The following MAD1L1 variants were observed in gnomAD, a reference collection of about 807,000 sequenced individuals.
MAD1L1 encodes the protein mitotic arrest deficient 1 like 1, also known as mitotic spindle assembly checkpoint protein MAD1.
MAD1L1 carries 95 observed loss-of-function variants against 96.9 expected under a neutral mutation model. The ratio of observed to expected loss-of-function variants is 0.98; its 90% CI spans 0.83 to 1.16. The LOEUF (loss-of-function observed/expected upper bound fraction) is 1.16, where lower values mean the gene tolerates loss of function less well. Ranked by LOEUF, MAD1L1 falls within the 50% of genes most tolerant of loss-of-function variation. The probability of loss-of-function intolerance (pLI) is 0.00; values close to 1 mark genes in which losing one functional copy is unlikely to be tolerated. For missense variants in MAD1L1, 1,007 were observed against 954.4 expected (o/e 1.06, Z -0.73); for synonymous variants, 473 against 396.6 (o/e 1.19, Z -2.29).
chr7:2,146,561 C>G lies in MAD1L1; in HGVS notation c.1073+2591G>C, dbSNP rs945358392. 2.6e-5 allele frequency among the ~76,000 whole-genome samples: 4 copies of G among 152,200 alleles called. No homozygotes were observed. The highest frequency in any genetic ancestry group is 4.4e-5 in the Non-Finnish European group (3 of 68,038). On this transcript the variant is annotated intron_variant, in intron 11 of 18. Transcript: ENST00000265854. This position sits in a 1 kb window ranked among gnomAD's most constrained non-coding sequence, Gnocchi z 6.2. The stretch of plus-strand genomic sequence containing the variant: ...GGTCACAAGCACGTGCCCGCTGGTC[C>G]GCACAGACGAGGGAAAATGCCCAGC...
intron 18 of MAD1L1, among the ~76,000 whole-genome samples, chr7:1,818,675 G>A (rs756424869): frequency 1.6e-4 from 24 of 152,122 alleles, no homozygotes; most frequent in Admixed American, 1.3e-3. Context: ...CACGACGTGA[G>A]GATTACAGGC....
At chr7:2,074,158 C>CAGAGA (rs1428291742) in intron 11 of MAD1L1, among the ~76,000 whole-genome samples, 1 of 152,172 alleles carries the variant, frequency 6.6e-6, no homozygotes, top group Non-Finnish European at 1.5e-5. Context: ...TTCCAGGCAG[C>CAGAGA]AGAGATGGCA....
At chr7:2,043,644 G>T (rs556804650) in intron 12 of MAD1L1, among the ~76,000 whole-genome samples, 5 of 152,336 alleles carry the variant, frequency 3.3e-5, no homozygotes, top group East Asian at 3.9e-4. Context: ...GAGGGCCTGG[G>T]GGGGCTGGGG....
intron 18 of MAD1L1, among the ~76,000 whole-genome samples, chr7:1,871,045 T>G (rs117125814): frequency 0.41 from 24,912 of 61,186 alleles, 6,258 homozygotes; most frequent in East Asian, 0.49. Context: ...GCCTGCCACG[T>G]TGAACCTACC....
chr7:2,029,863 G>C (rs369877403), intron 12 of MAD1L1, among the ~76,000 whole-genome samples: 1 of 152,168 alleles, frequency 6.6e-6, no homozygotes, highest in Admixed American at 6.5e-5. Flanking sequence ...TGATGTGCGA[G>C]TTATGATTAC....
At chr7:1,910,878 G>A (rs1016886661) in intron 17 of MAD1L1, among the ~76,000 whole-genome samples, 13 of 152,296 alleles carry the variant, frequency 8.5e-5, no homozygotes, top group East Asian at 1.9e-4. Flanking sequence ...TCCCTGTGAC[G>A]CCAGTCAGGC....
chr7:1,843,790 G>A (rs1378580696), intron 18 of MAD1L1, among the ~76,000 whole-genome samples: 2 of 152,180 alleles, frequency 1.3e-5, no homozygotes, highest in African/African-American at 4.8e-5. Context: ...GCCACGTGGA[G>A]GCGAATTCAC....
At chr7:1,845,332 T>C (rs1026531957) in intron 18 of MAD1L1, 5 of 152,400 alleles carry the variant, frequency 3.3e-5, no homozygotes, top group Admixed American at 1.3e-4. Flanking sequence ...CTGACCTTGG[T>C]GTGTTACAGC....
At chr7:1,830,691 G>A (rs540055013) in intron 18 of MAD1L1, among the ~76,000 whole-genome samples, 10 of 152,276 alleles carry the variant, frequency 6.6e-5, no homozygotes, top group East Asian at 1.9e-4. Flanking sequence ...AGGCGGTGTC[G>A]TATCATTCGA....
chr7:1,877,539 C>A (rs1295494397), intron 18 of MAD1L1, among the ~76,000 whole-genome samples: 1 of 151,252 alleles, frequency 6.6e-6, no homozygotes, highest in Non-Finnish European at 1.5e-5. Flanking sequence ...GACAAGATGG[C>A]AGATTTAAAC....
intron 16 of MAD1L1, among the ~76,000 whole-genome samples, chr7:1,949,393 C>T (rs748168069): frequency 6.6e-6 from 1 of 152,212 alleles, no homozygotes; most frequent in Non-Finnish European, 1.5e-5. Context: ...CTGCCACATG[C>T]GCCCGGCTCT....
At chr7:1,849,071 C>CAG (rs1562454277) in intron 18 of MAD1L1, 71 of 150,226 alleles carry the variant, frequency 4.7e-4, no homozygotes, top group African/African-American at 1.6e-3. Flanking sequence ...CACACACACA[C>CAG]ACAAATGCAC....
At chr7:2,126,506 G>A (rs2128564747) in intron 11 of MAD1L1, among the ~76,000 whole-genome samples, 1 of 152,218 alleles carries the variant, frequency 6.6e-6, no homozygotes, top group Non-Finnish European at 1.5e-5. Context: ...GGGGGCAGCG[G>A]GGACACCTGA....
In MAD1L1 at chr7:1,989,005, C is replaced by T. The variant is rs141582599; in HGVS notation, c.1417-8464G>A. ...TCACAGGAGCCCCTTATATCACATA[C>T]CTGAGAAGGGTCTAGTGTCTAGAAC... is the stretch of plus-strand genomic sequence containing the variant. On this transcript the variant is annotated intron_variant, in intron 14 of 18. Coordinates refer to ENST00000265854, the MANE Select transcript of MAD1L1 (RefSeq NM_001013836.2). Among the ~76,000 whole-genome samples, 361 of 152,344 alleles carry T rather than the reference C, an allele frequency of 2.4e-3. 5 individuals are homozygous for T. The highest frequency in any genetic ancestry group is 1.7e-3 in the Non-Finnish European group (117 of 68,034).
intron 10 of MAD1L1, among the ~76,000 whole-genome samples, chr7:2,196,822 C>T (rs1307119930): frequency 1.3e-5 from 2 of 152,188 alleles, no homozygotes; most frequent in African/African-American, 4.8e-5. Context: ...CTCACTACAA[C>T]GCGGCTGACT....
intron 9 of MAD1L1, 118 bp downstream of exon 9, chr7:2,215,767 C>T: frequency 3.3e-6 from 3 of 905,992 alleles, no homozygotes; most frequent in Non-Finnish European, 5.4e-6. Flanking sequence ...GCCTCCCACC[C>T]CATCACAGCA....
intron 10 of MAD1L1, among the ~76,000 whole-genome samples, chr7:2,183,897 TATA>T (rs1045275681): frequency 6.6e-6 from 1 of 151,282 alleles, no homozygotes; most frequent in African/African-American, 2.4e-5. Flanking sequence ...AAACTTAAAG[TATA>T]ATAATAATAA....
intron 12 of MAD1L1, among the ~76,000 whole-genome samples, chr7:2,054,346 C>T (rs1324397973): frequency 3.9e-5 from 6 of 152,180 alleles, no homozygotes; most frequent in Non-Finnish European, 7.4e-5. Context: ...GGAGGCGGTC[C>T]ACGCTCCCAC....
At chr7:2,056,644 C>G (rs1784399606) in intron 12 of MAD1L1, among the ~76,000 whole-genome samples, 2 of 152,082 alleles carry the variant, frequency 1.3e-5, no homozygotes, top group Non-Finnish European at 2.9e-5. Flanking sequence ...CCACAGAGCT[C>G]CCACGGGCTC....
Sources: gnomAD v4.1 joint callset for allele counts (sites outside exome capture counted in the v4.1 genomes callset) on GRCh38, gnomAD v4.1.1 for gene constraint, Gnocchi (gnomAD v3.1) non-coding constraint, MANE v1.5 for transcripts, NCBI Gene and HGNC (gene_info 2026-07-23, HGNC 2026-07-21) for gene names.